Variants in BLTP1 observed in about 807,000 individuals in gnomAD.
BLTP1 encodes the protein bridge-like lipid transfer protein family member 1.
the BLTP1 span, chr4:122,254,420 A>G: frequency 2.9e-6 from 4 of 1,357,044 alleles, no homozygotes; most frequent in Non-Finnish European, 4.0e-6. Flanking sequence ...TCTGTTTCAT[A>G]TTTTTAAAAA....
At chr4:122,359,978 A>G in the BLTP1 span, 2 of 985,370 alleles carry the variant, frequency 2.0e-6, no homozygotes, top group Non-Finnish European at 2.4e-6. Context: ...AAATATGAGA[A>G]TAATTGTCCT....
chr4:122,264,352 C>T, the BLTP1 span: 1 of 1,611,610 alleles, frequency 6.2e-7, no homozygotes, highest in South Asian at 1.1e-5. Context: ...CTCAGCATAG[C>T]ACCAGTCAGG....
chr4:122,199,355 T>C, the BLTP1 span: 204 of 1,609,712 alleles, frequency 1.3e-4, no homozygotes, highest in Non-Finnish European at 1.5e-4. Flanking sequence ...GTTTTTATTA[T>C]TAGGTTACAC....
the BLTP1 span, chr4:122,312,874 T>A: frequency 1.2e-6 from 1 of 845,482 alleles, no homozygotes; most frequent in South Asian, 5.5e-5. Context: ...ATTAAAGATA[T>A]ATGTACTCTG....
At chr4:122,251,418 C>T in the BLTP1 span, 4 of 893,696 alleles carry the variant, frequency 4.5e-6, no homozygotes, top group Admixed American at 6.2e-5. Flanking sequence ...CACCTTTACC[C>T]CCCAGATTCC....
chr4:122,153,068 TC>T, the BLTP1 span: 6 of 979,642 alleles, frequency 6.1e-6, no homozygotes, highest in Middle Eastern at 5.2e-4. Flanking sequence ...TGCACTGCAC[TC>T]TAGAAGACTA....
chr4:122,237,009 T>C, the BLTP1 span: 1 of 985,202 alleles, frequency 1.0e-6, no homozygotes, highest in African/African-American at 1.7e-5. Context: ...GTGAGCACTA[T>C]GTTCCTGTAT....
the BLTP1 span, among the ~76,000 whole-genome samples, chr4:122,318,787 T>C: frequency 6.6e-6 from 1 of 152,138 alleles, no homozygotes; most frequent in Non-Finnish European, 1.5e-5. Context: ...TTAAAAACCA[T>C]TTTGCCCTTT....
At chr4:122,256,583 T>C in the BLTP1 span, among the ~76,000 whole-genome samples, 1 of 152,192 alleles carries the variant, frequency 6.6e-6, no homozygotes, top group African/African-American at 2.4e-5. Flanking sequence ...TGAGGAATGA[T>C]AGGAAACAGG....
the BLTP1 span, chr4:122,175,826 A>T: frequency 1.3e-6 from 2 of 1,506,482 alleles, no homozygotes; most frequent in Middle Eastern, 3.5e-4. Context: ...CTTAAATTCT[A>T]ATTTTGTAAT....
chr4:122,172,322 G>C, the BLTP1 span: 1 of 723,690 alleles, frequency 1.4e-6, no homozygotes, highest in Non-Finnish European at 1.7e-6. Flanking sequence ...AAAAGGATAA[G>C]TAAGAGCAAA....
At chr4:122,359,470 AT>A in the BLTP1 span, 1 of 1,512,164 alleles carries the variant, frequency 6.6e-7, no homozygotes, top group Non-Finnish European at 8.9e-7. Flanking sequence ...CAGGTCATAG[AT>A]AAAATGAGAA....
the BLTP1 span, chr4:122,225,076 T>C: frequency 4.5e-6 from 4 of 883,624 alleles, no homozygotes; most frequent in Non-Finnish European, 5.5e-6. Flanking sequence ...TTCTTACATA[T>C]GTTTAAAGTA....
At chr4:122,328,745 T>A in the BLTP1 span, 1 of 983,800 alleles carries the variant, frequency 1.0e-6, no homozygotes, top group Non-Finnish European at 1.2e-6. Context: ...AGGGAAATGG[T>A]TAGCAATGGA....
the BLTP1 span, chr4:122,209,018 A>G: frequency 5.4e-6 from 5 of 932,414 alleles, no homozygotes; most frequent in Non-Finnish European, 6.8e-6. Context: ...AAATAATACA[A>G]TAAAATAAAA....
chr4:122,166,084 C>G, the BLTP1 span, among the ~76,000 whole-genome samples: 1 of 152,038 alleles, frequency 6.6e-6, no homozygotes, highest in Non-Finnish European at 1.5e-5. Flanking sequence ...TTAATTAGAT[C>G]CCATTTGTCA....
the BLTP1 span, chr4:122,206,185 C>A: frequency 2.2e-6 from 1 of 462,482 alleles, no homozygotes; most frequent in Non-Finnish European, 2.8e-6. Flanking sequence ...CCATTGTAGT[C>A]CTAGAGTCTA....
At chr4:122,226,655 C>A in the BLTP1 span, 5 of 1,606,710 alleles carry the variant, frequency 3.1e-6, no homozygotes, top group East Asian at 6.8e-5. Flanking sequence ...GAACTCTAAA[C>A]CCTTGTTTAG....
the BLTP1 span, chr4:122,304,710 T>C: frequency 6.6e-7 from 1 of 1,518,804 alleles, no homozygotes; most frequent in Non-Finnish European, 8.8e-7. Flanking sequence ...GACTATTTTA[T>C]TTATCATATA....
Sources: gnomAD v4.1 joint callset for allele counts (sites outside exome capture counted in the v4.1 genomes callset) on GRCh38, gnomAD v4.1.1 for gene constraint, MANE v1.5 for transcripts, NCBI Gene and HGNC (gene_info 2026-07-23, HGNC 2026-07-21) for gene names.